GLRB: variants seen among roughly 807,000 people sequenced by gnomAD.
GLRB encodes glycine receptor subunit beta.
GLRB carries 33 observed loss-of-function variants against 54.2 expected under a neutral mutation model. The ratio of observed to expected loss-of-function variants is 0.61; its 90% CI spans 0.46 to 0.81. The LOEUF (loss-of-function observed/expected upper bound fraction) is 0.81. GLRB is among the 40% of genes least tolerant of loss of function. GLRB has a pLI of 0.00. For synonymous variants in GLRB, 209 were observed against 208.2 expected (o/e 1.00, Z -0.03); for missense variants, 572 against 584.6 (o/e 0.98, Z 0.22).
rs1480340858 is a variant in GLRB at position 157,152,704 on chromosome 4, T to C, written c.905-14T>C. The C allele has an allele frequency of 6.2e-7, 1 of 1,610,006 alleles. No homozygotes were observed. The highest frequency in any genetic ancestry group is 1.7e-5 in the Admixed American group (1 of 59,998). Reference sequence around the variant, plus strand: ...GATAAAAAGCAACTTTCATTCCTCTTTCTGTTTCTGTAGGTATCTTCTCAG... The same window carrying C: ...GATAAAAAGCAACTTTCATTCCTCTCTCTGTTTCTGTAGGTATCTTCTCAG... On this transcript the variant is annotated splice_polypyrimidine_tract_variant and intron_variant, in intron 8 of 9. Coordinates refer to ENST00000264428, the MANE Select transcript of GLRB (RefSeq NM_000824.5).
At chr4:157,102,192 TTTA>T (rs1735055888) in intron 2 of GLRB, among the ~76,000 whole-genome samples, 1 of 152,198 alleles carries the variant, frequency 6.6e-6, no homozygotes, top group Non-Finnish European at 1.5e-5. Context: ...TATTTTAAAT[TTTA>T]TTATGGCAAG....
chr4:157,097,294 G>A (rs1734847551), intron 2 of GLRB, among the ~76,000 whole-genome samples: 1 of 152,140 alleles, frequency 6.6e-6, no homozygotes, highest in African/African-American at 2.4e-5. Flanking sequence ...ATAGGTTACT[G>A]TGAATTGGTT....
intron 4 of GLRB, among the ~76,000 whole-genome samples, chr4:157,128,932 T>A (rs1736114691): frequency 6.6e-6 from 1 of 151,842 alleles, no homozygotes; most frequent in Non-Finnish European, 1.5e-5. Context: ...CTTTTATTTA[T>A]TTGAATGCTA....
chr4:157,150,142 C>T (rs1736964234), intron 8 of GLRB, among the ~76,000 whole-genome samples: 1 of 151,964 alleles, frequency 6.6e-6, no homozygotes, highest in Admixed American at 6.6e-5. Flanking sequence ...TCACTTCAAC[C>T]TCCTTATATA....
At chr4:157,138,997 T>C in intron 7 of GLRB, 48 bp downstream of exon 7, 1 of 1,033,006 alleles carries the variant, frequency 9.7e-7, no homozygotes, top group Non-Finnish European at 1.5e-6. Flanking sequence ...CAAAGATACA[T>C]TTTAATTAAT....
chr4:157,134,159 G>A (rs1165636697), intron 4 of GLRB, among the ~76,000 whole-genome samples: 2 of 151,996 alleles, frequency 1.3e-5, no homozygotes, highest in African/African-American at 2.4e-5. Context: ...AGATAATACT[G>A]TGAACATTAT....
chr4:157,161,124 G>C (rs966292630), intron 9 of GLRB, among the ~76,000 whole-genome samples: 2 of 152,070 alleles, frequency 1.3e-5, no homozygotes, highest in Non-Finnish European at 2.9e-5. Context: ...GTTGGTTTAA[G>C]TCTGTTTTAT....
At chr4:157,168,955 AC>A (rs558975427) in intron 9 of GLRB, among the ~76,000 whole-genome samples, 36 of 152,106 alleles carry the variant, frequency 2.4e-4, no homozygotes, top group South Asian at 1.2e-3. Flanking sequence ...TTTGCTATCC[AC>A]CTTTGAACAC....
In GLRB at chr4:157,122,387, AAAC is replaced by A. The variant is rs766864036; in HGVS notation, c.293_295del (p.Thr98del). The A allele has an allele frequency of 4.9e-6, 6 of 1,226,948 alleles. No individual in the cohort carries two copies. In the South Asian group the frequency reaches 6.5e-5, roughly 13 times the overall value. The allele number at this position is 1,226,948 out of a possible 1,614,324, so 76.0% of individuals were successfully genotyped here. A position where few individuals can be genotyped will look rare whatever the true frequency, so the allele number is the denominator to read the frequency against. On this transcript the variant is annotated inframe_deletion, in exon 4 of 10. Transcript: ENST00000264428. ...ATTAACAGTTTTGGATCCATTCAAG[AAAC>A]AACAATGGTAAGATTGCAATTAATT...
intron 9 of GLRB, among the ~76,000 whole-genome samples, chr4:157,157,909 T>G (rs1737298981): frequency 6.6e-6 from 1 of 152,180 alleles, no homozygotes; most frequent in South Asian, 2.1e-4. Flanking sequence ...CTTGAGGAAT[T>G]GCCACACTGT....
rs756186300 is a variant in GLRB, at chr4:157,170,776, T to C, written c.*48T>C. The C allele has an allele frequency of 3.7e-6, 4 of 1,083,294 alleles. No individual in the cohort carries two copies. The highest frequency in any genetic ancestry group is 5.2e-6 in the Non-Finnish European group (4 of 765,204). 67.1% of individuals were successfully genotyped at this position (1,083,294 alleles called of 1,614,324 possible). Reference sequence around the variant, plus strand: ...AATAAAATTCCATTTCATTGTGACCTACTCCTTTCATAAATGCCAATCTGT... The same window carrying C: ...AATAAAATTCCATTTCATTGTGACCCACTCCTTTCATAAATGCCAATCTGT... On this transcript the variant is annotated 3_prime_UTR_variant, in exon 10 of 10. Transcript: ENST00000264428.
At chr4:157,116,504 T>G (rs1735613746) in intron 2 of GLRB, among the ~76,000 whole-genome samples, 1 of 151,704 alleles carries the variant, frequency 6.6e-6, no homozygotes, top group South Asian at 2.1e-4. Context: ...TTTAAATCAC[T>G]TAACTCTCCT....
chr4:157,162,261 T>C (rs562842321), intron 9 of GLRB, among the ~76,000 whole-genome samples: 4 of 152,322 alleles, frequency 2.6e-5, no homozygotes, highest in Non-Finnish European at 4.4e-5. Flanking sequence ...TTTAGTTTCT[T>C]TGCAATGGGT....
chr4:157,164,357 G>A (rs1421846123), intron 9 of GLRB, among the ~76,000 whole-genome samples: 2 of 152,180 alleles, frequency 1.3e-5, no homozygotes, highest in African/African-American at 2.4e-5. Context: ...CTTATGTTAT[G>A]TGGAAGTGTT....
At chr4:157,103,397 C>T (rs1288400703) in intron 2 of GLRB, among the ~76,000 whole-genome samples, 2 of 152,106 alleles carry the variant, frequency 1.3e-5, no homozygotes, top group African/African-American at 4.8e-5. Context: ...ACCTTGAGGC[C>T]AGTGCTTGTT....
chr4:157,157,248 C>A (rs1192384452), intron 9 of GLRB, among the ~76,000 whole-genome samples: 1 of 152,176 alleles, frequency 6.6e-6, no homozygotes, highest in Non-Finnish European at 1.5e-5. Flanking sequence ...GACACTATGG[C>A]AGGGATCAGG....
intron 9 of GLRB, among the ~76,000 whole-genome samples, chr4:157,158,572 C>T (rs1392060669): frequency 6.6e-6 from 1 of 152,132 alleles, no homozygotes; most frequent in Non-Finnish European, 1.5e-5. Context: ...TTCCCAGCAC[C>T]ATTTATTAAA....
chr4:157,161,058 G>C (rs560136182), intron 9 of GLRB, among the ~76,000 whole-genome samples: 1 of 152,278 alleles, frequency 6.6e-6, no homozygotes, highest in African/African-American at 2.4e-5. Context: ...AGCTCTTCTT[G>C]TTGAATTGAT....
intron 2 of GLRB, among the ~76,000 whole-genome samples, chr4:157,117,096 T>C (rs1052754018): frequency 1.3e-5 from 2 of 151,750 alleles, no homozygotes; most frequent in African/African-American, 4.8e-5. Context: ...AAGAGTGAAC[T>C]GATAGAAAGG....
Sources: allele counts gnomAD v4.1 joint callset (sites outside exome capture counted in the v4.1 genomes callset), GRCh38; gene constraint gnomAD v4.1.1; transcripts MANE v1.5; gene names NCBI Gene and HGNC (gene_info 2026-07-23, HGNC 2026-07-21).